TXNDC9: variants seen among roughly 807,000 people sequenced by gnomAD.
The protein encoded by TXNDC9 is thioredoxin domain-containing protein 9.
A neutral mutation model predicts 23.0 loss-of-function variants in TXNDC9; 7 were observed. That is an observed-to-expected ratio of 0.30 (90% CI 0.17 to 0.57). TXNDC9 has a LOEUF of 0.57. TXNDC9 is among the 20% of genes least tolerant of loss of function. The probability of loss-of-function intolerance (pLI) is 0.90; values close to 1 mark genes in which losing one functional copy is unlikely to be tolerated. For missense variants in TXNDC9, 198 were observed against 252.6 expected (o/e 0.78, Z 1.47); for synonymous variants, 72 against 90.6 (o/e 0.79, Z 1.17).
At chr2:99,315,610 C>T (rs1485686717), downstream of TXNDC9, among the ~76,000 whole-genome samples, 1 of 152,164 alleles carries the variant, frequency 6.6e-6, no homozygotes, top group Non-Finnish European at 1.5e-5. Flanking sequence ...AAGATTTACC[C>T]TTAGATATTC....
chr2:99,309,712 A>T, the TXNDC9 span, among the ~76,000 whole-genome samples: 1 of 151,886 alleles, frequency 6.6e-6, no homozygotes, highest in Non-Finnish European at 1.5e-5. Flanking sequence ...TTTGAGACAG[A>T]GTCTCACTCT....
downstream of TXNDC9, among the ~76,000 whole-genome samples, chr2:99,316,556 C>T (rs2094189464): frequency 1.3e-5 from 2 of 151,806 alleles, no homozygotes; most frequent in Non-Finnish European, 1.5e-5. Flanking sequence ...TTTTGGTATG[C>T]ATCTTTCTAT....
the TXNDC9 span, among the ~76,000 whole-genome samples, chr2:99,313,890 C>T: frequency 2.0e-5 from 3 of 152,194 alleles, no homozygotes; most frequent in East Asian, 1.9e-4. Context: ...ATTCTAACAT[C>T]TGACTTCTCT....
chr2:99,321,646 ATT>A (rs1480961273), intron 4 of TXNDC9: 1 of 214,032 alleles, frequency 4.7e-6, no homozygotes, highest in East Asian at 1.1e-4. Context: ...CTGGATTGCC[ATT>A]TTAAGTTTCC....
rs894280480 is a variant in TXNDC9 at position 99,322,219 on chromosome 2, A to G, written c.309-10T>C. 1 of 1,601,262 alleles carries G rather than the reference A, an allele frequency of 6.2e-7. No homozygotes were observed. The highest frequency in any genetic ancestry group is 1.3e-5 in the African/African-American group (1 of 74,424). On this transcript the variant is annotated splice_polypyrimidine_tract_variant and intron_variant, in intron 3 of 4. Coordinates refer to ENST00000264255, the MANE Select transcript of TXNDC9 (RefSeq NM_005783.4). ...GTCTAGTATTTTACACCTGTAAGTGACCACACATAGAAAATTATAAGCTAA... is the reference window on the plus strand; with the variant it reads ...GTCTAGTATTTTACACCTGTAAGTGGCCACACATAGAAAATTATAAGCTAA...
At position 99,333,130 on chromosome 2, in the gene TXNDC9, T is replaced by C. The variant is rs145929056; in HGVS notation, c.81A>G (p.Glu27=). The C allele has an allele frequency of 1.2e-6, 2 of 1,614,188 alleles. No homozygotes were observed. The highest frequency in any genetic ancestry group is 1.7e-6 in the Non-Finnish European group (2 of 1,180,024). ...QLLQTTKLVE[E]HLDSEIQKLD... The stretch of plus-strand genomic sequence containing the variant: ...GTTTTTGAATTTCAGAATCCAAATG[T>C]TCTTCCACCAGTTTGGTAGTCTGAA... The change falls in exon 2 of 5, where the codon GAA becomes GAG. Residue 27 remains glutamate (E), a synonymous_variant. Coordinates refer to ENST00000264255, the MANE Select transcript of TXNDC9 (RefSeq NM_005783.4).
intron 2 of TXNDC9, among the ~76,000 whole-genome samples, chr2:99,331,030 C>G (rs1043189863): frequency 2.0e-5 from 3 of 152,288 alleles, no homozygotes; most frequent in Admixed American, 6.5e-5. Context: ...TATATTCAGA[C>G]CACTGTTTTG....
At chr2:99,321,411 A>C (rs2094201427) in intron 4 of TXNDC9, 2 of 152,274 alleles carry the variant, frequency 1.3e-5, no homozygotes, top group African/African-American at 4.8e-5. Flanking sequence ...GATTGTTTTC[A>C]AACTAAAACT....
At chr2:99,332,169 G>A (rs1309267281) in intron 2 of TXNDC9, among the ~76,000 whole-genome samples, 1 of 152,202 alleles carries the variant, frequency 6.6e-6, no homozygotes, top group Non-Finnish European at 1.5e-5. Context: ...TTGGCCAGGT[G>A]CGGTAGCTCA....
the TXNDC9 span, among the ~76,000 whole-genome samples, chr2:99,310,266 G>A: frequency 6.6e-6 from 1 of 152,312 alleles, no homozygotes; most frequent in Middle Eastern, 3.4e-3. Context: ...TCTCTTTGGA[G>A]CAGAAGATTT....
At chr2:99,327,076 T>C (rs1430976429) in intron 3 of TXNDC9, among the ~76,000 whole-genome samples, 2 of 152,194 alleles carry the variant, frequency 1.3e-5, no homozygotes, top group African/African-American at 4.8e-5. Context: ...TTAACTTTTT[T>C]TTTCTTTCTT....
In TXNDC9 at chr2:99,322,153, T is replaced by C. The variant is rs748029655; in HGVS notation, c.365A>G (p.Lys122Arg). The C allele has an allele frequency of 1.3e-4, 210 of 1,614,068 alleles. No individual in the cohort carries two copies. The highest frequency in any genetic ancestry group is 1.7e-4 in the Non-Finnish European group (206 of 1,180,024). ...AILSKKHLET[K>R]FLKLNVEKAP... Reference sequence around the variant, plus strand: ...TTTTTCCACATTCAGCTTCAAAAATTTGGTCTCGAGGTGTTTCTTGGACAA... The same window carrying C: ...TTTTTCCACATTCAGCTTCAAAAATCTGGTCTCGAGGTGTTTCTTGGACAA... The change falls in exon 4 of 5, where the codon AAA becomes AGA. Residue 122 changes from lysine to arginine, a missense_variant. Transcript: ENST00000264255.
At chr2:99,316,918 G>A (rs553068252), downstream of TXNDC9, among the ~76,000 whole-genome samples, 7 of 152,130 alleles carry the variant, frequency 4.6e-5, no homozygotes, top group South Asian at 1.5e-3. Flanking sequence ...CACCACGCCC[G>A]GCTAATTTTT....
the TXNDC9 span, among the ~76,000 whole-genome samples, chr2:99,309,057 A>G: frequency 6.6e-6 from 1 of 152,118 alleles, no homozygotes. Context: ...ATTTTAAAAA[A>G]TTAAAAAGTA....
At position 99,319,171 on chromosome 2, in the gene TXNDC9, A is replaced by G. The variant is rs962999217; in HGVS notation, c.*511T>C. ...TAAGGCAGTATGTTCACAAATCAAAATAGCTTTCTGCTGGCATCAGTTGAT... is the reference window on the plus strand; with the variant it reads ...TAAGGCAGTATGTTCACAAATCAAAGTAGCTTTCTGCTGGCATCAGTTGAT... On this transcript the variant is annotated 3_prime_UTR_variant, in exon 5 of 5. Transcript: ENST00000264255. 6.6e-6 allele frequency: 1 copy of G among 152,304 alleles called. No individual in the cohort carries two copies. The highest frequency in any genetic ancestry group is 1.5e-5 in the Non-Finnish European group (1 of 68,098). The allele number at this position is 152,304 out of a possible 1,614,324, so 9.4% of individuals were successfully genotyped here. A position where few individuals can be genotyped will look rare whatever the true frequency, so the allele number is the denominator to read the frequency against.
At chr2:99,327,737 C>T (rs1190850353) in intron 2 of TXNDC9, 84 bp from the exon 3 acceptor site, 9 of 731,218 alleles carry the variant, frequency 1.2e-5, no homozygotes, top group Admixed American at 5.6e-5. Flanking sequence ...AAATCACCAT[C>T]GTATTTTGTA....
the TXNDC9 span, chr2:99,306,752 A>G: frequency 2.2e-6 from 1 of 445,598 alleles, no homozygotes; most frequent in South Asian, 1.6e-5. Context: ...GGTTCAGAAC[A>G]GGGGCCAGCA....
At chr2:99,307,862 G>A in the TXNDC9 span, among the ~76,000 whole-genome samples, 5 of 150,720 alleles carry the variant, frequency 3.3e-5, no homozygotes, top group Non-Finnish European at 7.4e-5. Flanking sequence ...TTTGTATTTT[G>A]CCAGACGGTA....
intron 2 of TXNDC9, among the ~76,000 whole-genome samples, chr2:99,332,374 C>T (rs114449166): frequency 0.014 from 2,060 of 152,174 alleles, 38 homozygotes; most frequent in African/African-American, 0.047. Context: ...AGCCGGGAAG[C>T]GGAGGTTGCA....
Sources: allele counts gnomAD v4.1 joint callset (sites outside exome capture counted in the v4.1 genomes callset), GRCh38; gene constraint gnomAD v4.1.1; transcripts MANE v1.5; gene names NCBI Gene and HGNC (gene_info 2026-07-23, HGNC 2026-07-21).